GLIS3: variants seen among roughly 807,000 people sequenced by gnomAD.
GLIS3 encodes zinc finger protein GLIS3.
A neutral mutation model predicts 78.6 loss-of-function variants in GLIS3; 53 were observed. The observed-to-expected ratio is 0.67, with a 90% confidence interval of 0.54 to 0.85. GLIS3 has a LOEUF of 0.85. Among genes scored for constraint, GLIS3 ranks in the 40% least tolerant of loss-of-function variants. The pLI is 0.00. For missense variants in GLIS3, 1,703 were observed against 1,231.1 expected (o/e 1.38, Z -5.74); for synonymous variants, 684 against 509.9 (o/e 1.34, Z -4.60).
rs141467694 is a variant in GLIS3, at chr9:4,125,834, G to T, written c.496C>A (p.Pro166Thr). ...GCTGTAGAGACCTGGCTTGCTGGAG[G>T]TGAAATGAGTCCCAGTCGCTGAACC... is the stretch of plus-strand genomic sequence containing the variant. The part of the protein sequence containing the change: ...MMVQRLGLIS[P>T]PASQVSTACN... The change falls in exon 3 of 11, where the codon CCT (proline) becomes ACT (threonine). Residue 166 changes from proline (P) to threonine (T), a missense_variant. By Grantham distance (38) the Pro-to-Thr change is conservative (BLOSUM62 -1). Transcript: ENST00000381971. 3.1e-6 allele frequency: 5 copies of T among 1,614,104 alleles called. No individual in the cohort carries two copies. In the South Asian group the frequency reaches 5.5e-5, roughly 18 times the overall value.
the GLIS3 span, among the ~76,000 whole-genome samples, chr9:4,455,334 G>C: frequency 6.6e-6 from 1 of 152,120 alleles, no homozygotes; most frequent in African/African-American, 2.4e-5. Context: ...CAACTAAATA[G>C]CATTATCCAC....
At chr9:4,314,735 T>TA (rs1265259971) in intron 2 of GLIS3, among the ~76,000 whole-genome samples, 5 of 152,350 alleles carry the variant, frequency 3.3e-5, no homozygotes, top group African/African-American at 1.2e-4. Context: ...GAACTGGGTT[T>TA]AGATTTCAGC....
At position 4,265,039 on chromosome 9, in the gene GLIS3, G is replaced by A. The variant is rs1475892012; in HGVS notation, c.388+20999C>T. On this transcript the variant is annotated intron_variant, in intron 2 of 10. Coordinates refer to ENST00000381971, the MANE Select transcript of GLIS3 (RefSeq NM_001042413.2). Reference sequence around the variant, plus strand: ...AAAAAAAAATTAGCCGGGTGTGGTGGCGGGCGCCTGTATTCCCAGCTACTC... The same window carrying A: ...AAAAAAAAATTAGCCGGGTGTGGTGACGGGCGCCTGTATTCCCAGCTACTC... Among the ~76,000 whole-genome samples the A allele has an allele frequency of 5.3e-5, 8 of 151,900 alleles. No individual in the cohort carries two copies. The East Asian group carries it at 1.5e-3, about 29-fold the overall frequency.
At chr9:4,386,303 T>C in the GLIS3 span, 1 of 152,238 alleles carries the variant, frequency 6.6e-6, no homozygotes, top group Non-Finnish European at 1.5e-5. Context: ...GCAATGAACA[T>C]TTTCATAGCC....
rs935610914 is a variant in GLIS3, at chr9:4,290,139, T to A, written c.-98-3616A>T. On this transcript the variant is annotated intron_variant, in intron 1 of 10. Transcript: ENST00000381971. ...GCTAAAGGCCCTTTCTTAGTAAATA[T>A]CATTAACAGACCCATCTAGAGTCAT... Among the ~76,000 whole-genome samples the A allele has an allele frequency of 2.0e-5, 3 of 152,174 alleles. No individual in the cohort carries two copies. The East Asian group carries it at 5.8e-4, about 29-fold the overall frequency.
chr9:3,928,594 A>T (rs913594277), intron 6 of GLIS3, among the ~76,000 whole-genome samples: 1 of 152,236 alleles, frequency 6.6e-6, no homozygotes, highest in Admixed American at 6.5e-5. Flanking sequence ...ACCGATTTCC[A>T]AAAGTTACCA....
intron 4 of GLIS3, among the ~76,000 whole-genome samples, chr9:4,042,950 GA>G (rs5896041): frequency 0.4 from 45,752 of 113,610 alleles, 9,198 homozygotes; most frequent in African/African-American, 0.62. Context: ...TGCTTGAAAA[GA>G]AAAAAAAAAA....
At chr9:3,865,057 C>T (rs982564042) in intron 8 of GLIS3, among the ~76,000 whole-genome samples, 9 of 152,036 alleles carry the variant, frequency 5.9e-5, no homozygotes, top group East Asian at 1.9e-4. Flanking sequence ...CTTCTGGCTC[C>T]GAGGGGAGAA....
At chr9:4,191,542 C>A (rs895672808) in intron 2 of GLIS3, among the ~76,000 whole-genome samples, 1 of 152,212 alleles carries the variant, frequency 6.6e-6, no homozygotes, top group African/African-American at 2.4e-5. Context: ...AGACCTAGAT[C>A]TCTGTGGTTT....
intron 2 of GLIS3, among the ~76,000 whole-genome samples, chr9:4,268,076 C>T (rs887060844): frequency 3.9e-5 from 6 of 152,148 alleles, no homozygotes. Context: ...CACTCACACA[C>T]ACATAGCCAG....
intron 4 of GLIS3, among the ~76,000 whole-genome samples, chr9:4,106,592 T>A (rs1018392909): frequency 2.6e-5 from 4 of 152,188 alleles, no homozygotes; most frequent in Non-Finnish European, 5.9e-5. Flanking sequence ...CACATTGTCA[T>A]TTTTTCCTTG....
chr9:4,207,195 C>G (rs1417460595), intron 2 of GLIS3, among the ~76,000 whole-genome samples: 1 of 152,220 alleles, frequency 6.6e-6, no homozygotes, highest in African/African-American at 2.4e-5. Flanking sequence ...CACCTCCCCT[C>G]CCGACACAGA....
At chr9:4,456,861 G>A in the GLIS3 span, among the ~76,000 whole-genome samples, 8 of 152,244 alleles carry the variant, frequency 5.3e-5, no homozygotes, top group South Asian at 8.3e-4. Flanking sequence ...TATGGGCATG[G>A]TTCATGGTAT....
chr9:4,194,509 G>A (rs7861424), intron 2 of GLIS3, among the ~76,000 whole-genome samples: 39,808 of 152,158 alleles, frequency 0.26, 6,606 homozygotes, highest in South Asian at 0.49. Flanking sequence ...CTGGAAATCT[G>A]CCTATGTGAG....
chr9:4,456,482 C>T, the GLIS3 span, among the ~76,000 whole-genome samples: 9 of 152,292 alleles, frequency 5.9e-5, no homozygotes, highest in African/African-American at 1.2e-4. Context: ...AAAACTTTCT[C>T]GCTATCAGCA....
At chr9:4,408,451 C>A in the GLIS3 span, among the ~76,000 whole-genome samples, 34 of 151,060 alleles carry the variant, frequency 2.3e-4, no homozygotes, top group African/African-American at 8.0e-4. Context: ...AAAAATAGGC[C>A]GGGCACCTTG....
At chr9:3,906,089 G>T (rs1033186474) in intron 6 of GLIS3, among the ~76,000 whole-genome samples, 2 of 152,206 alleles carry the variant, frequency 1.3e-5, no homozygotes, top group African/African-American at 2.4e-5. Flanking sequence ...AGTGAGCAAG[G>T]GAGCAAGAGG....
the GLIS3 span, among the ~76,000 whole-genome samples, chr9:4,389,992 C>T: frequency 1.3e-5 from 2 of 152,214 alleles, no homozygotes; most frequent in African/African-American, 2.4e-5. Flanking sequence ...TTCACTCATT[C>T]TTTCTTTCAT....
chr9:3,985,213 G>A (rs982657844), intron 4 of GLIS3, among the ~76,000 whole-genome samples: 1 of 152,044 alleles, frequency 6.6e-6, no homozygotes, highest in African/African-American at 2.4e-5. Flanking sequence ...AAAGAGCTTG[G>A]CTCACTGCAA....
Sources: gnomAD v4.1 joint callset for allele counts (sites outside exome capture counted in the v4.1 genomes callset) on GRCh38, gnomAD v4.1.1 for gene constraint, MANE v1.5 for transcripts, NCBI Gene and HGNC (gene_info 2026-07-23, HGNC 2026-07-21) for gene names.